ESR1: variants seen among roughly 807,000 people sequenced by gnomAD.
The protein encoded by ESR1 is estrogen receptor 1.
A neutral mutation model predicts 52.7 loss-of-function variants in ESR1; 12 were observed. That is an observed-to-expected ratio of 0.23 (90% CI 0.15 to 0.37). The LOEUF is 0.37. Among genes scored for constraint, ESR1 ranks in the 10% least tolerant of loss-of-function variants. The probability of loss-of-function intolerance (pLI) is 1.00; values close to 1 mark genes in which losing one functional copy is unlikely to be tolerated. For synonymous variants in ESR1, 305 were observed against 316.8 expected, an observed-to-expected ratio of 0.96 and a Z score of 0.39; for missense variants, 584 against 779.7, an observed-to-expected ratio of 0.75 and a Z score of 2.99.
intron 2 of ESR1, among the ~76,000 whole-genome samples, chr6:151,871,725 A>G (rs1011540413): frequency 6.6e-6 from 1 of 152,162 alleles, no homozygotes; most frequent in Non-Finnish European, 1.5e-5. Flanking sequence ...TCATTAAACA[A>G]TGACTCCAAG....
intron 2 of ESR1, among the ~76,000 whole-genome samples, chr6:151,753,102 C>T (rs1784019558): frequency 1.3e-5 from 2 of 152,178 alleles, no homozygotes; most frequent in Admixed American, 1.3e-4. Flanking sequence ...CACTACACTG[C>T]TAGCCTGGTA....
chr6:151,807,319 GACAA>G (rs1778028227), upstream of ESR1: 1 of 184,362 alleles, frequency 5.4e-6, no homozygotes. Context: ...CAGAAAGAGA[GACAA>G]ACAGAGATAT....
At chr6:151,663,964 C>T (rs78143598) in intron 1 of ESR1, among the ~76,000 whole-genome samples, 2,538 of 152,150 alleles carry the variant, frequency 0.017, 77 homozygotes, top group African/African-American at 0.058. Flanking sequence ...GTTTTTGATT[C>T]CCTCTGCCCC....
At chr6:151,899,295 G>A (rs1469423971) in intron 3 of ESR1, among the ~76,000 whole-genome samples, 17 of 127,724 alleles carry the variant, frequency 1.3e-4, no homozygotes, top group African/African-American at 4.6e-4. Flanking sequence ...CTGGCCGGGC[G>A]GGGGGCTGAC....
intron 5 of ESR1, among the ~76,000 whole-genome samples, chr6:152,014,500 TCAC>T (rs2043020397): frequency 2.3e-5 from 2 of 88,036 alleles, no homozygotes; most frequent in Non-Finnish European, 3.9e-5. Flanking sequence ...AACTGCACAC[TCAC>T]TTTATCTTCT....
intron 5 of ESR1, among the ~76,000 whole-genome samples, chr6:152,020,897 A>G (rs1422775858): frequency 6.6e-6 from 1 of 152,182 alleles, no homozygotes; most frequent in Non-Finnish European, 1.5e-5. Flanking sequence ...ATTAAGTTCT[A>G]ATCTCTACCC....
intron 6 of ESR1, among the ~76,000 whole-genome samples, chr6:152,073,293 G>A (rs1292901425): frequency 6.6e-6 from 1 of 152,180 alleles, no homozygotes; most frequent in Non-Finnish European, 1.5e-5. Flanking sequence ...AGGTGTTGAC[G>A]AAGATCATGA....
chr6:151,764,245 T>C (rs1047949597), intron 2 of ESR1, among the ~76,000 whole-genome samples: 13 of 152,212 alleles, frequency 8.5e-5, no homozygotes, highest in Non-Finnish European at 1.9e-4. Flanking sequence ...ATCTGCTAAC[T>C]GAGTCATGGG....
At chr6:151,909,681 A>G (rs1797969285) in intron 3 of ESR1, among the ~76,000 whole-genome samples, 2 of 152,126 alleles carry the variant, frequency 1.3e-5, no homozygotes, top group African/African-American at 4.8e-5. Context: ...TTCAGGGCTG[A>G]GGTGCACCTA....
intron 1 of ESR1, among the ~76,000 whole-genome samples, chr6:151,819,657 A>G (rs1780242786): frequency 6.6e-6 from 1 of 152,154 alleles, no homozygotes; most frequent in Non-Finnish European, 1.5e-5. Context: ...CAGGGCTCTC[A>G]CTGAATCTAC....
intron 6 of ESR1, among the ~76,000 whole-genome samples, chr6:152,114,901 A>G: frequency 6.7e-6 from 1 of 149,834 alleles, no homozygotes; most frequent in African/African-American, 2.4e-5. Flanking sequence ...AAAAAAAAAA[A>G]AAAAAAAAAA....
intron 4 of ESR1, among the ~76,000 whole-genome samples, chr6:151,946,539 C>T (rs1208289874): frequency 1.3e-5 from 2 of 152,038 alleles, no homozygotes; most frequent in African/African-American, 2.4e-5. Context: ...CAGAGCTAGA[C>T]AAAATTATGG....
At position 151,947,101 on chromosome 6, in the gene ESR1, T is replaced by C. The variant is rs532512666; in HGVS notation, c.1096+2593T>C. ...GGGAGGCCGAGGCGGGTGGATCACC[T>C]GAGGTCAGGAGTTCAAGACCAGCCT... is the stretch of plus-strand genomic sequence containing the variant. On this transcript the variant is annotated intron_variant, in intron 4 of 7. Coordinates refer to ENST00000206249, the MANE Select transcript of ESR1 (RefSeq NM_000125.4). Among the ~76,000 whole-genome samples the C allele has an allele frequency of 2.0e-5, 3 of 152,260 alleles. No individual in the cohort carries two copies. In the East Asian group the frequency reaches 5.8e-4, roughly 29 times the overall value.
intron 6 of ESR1, among the ~76,000 whole-genome samples, chr6:152,123,392 T>C (rs2052140736): frequency 6.6e-6 from 1 of 152,192 alleles, no homozygotes; most frequent in South Asian, 2.1e-4. Context: ...ATGGACACCA[T>C]TTTCTGAGGA....
At chr6:151,948,368 G>T (rs2035948315) in intron 4 of ESR1, among the ~76,000 whole-genome samples, 1 of 152,028 alleles carries the variant, frequency 6.6e-6, no homozygotes, top group Non-Finnish European at 1.5e-5. Flanking sequence ...TGAAGATTTG[G>T]ATAGATATCT....
chr6:151,873,055 G>A (rs965458748), intron 2 of ESR1, among the ~76,000 whole-genome samples: 4 of 152,122 alleles, frequency 2.6e-5, no homozygotes, highest in African/African-American at 4.8e-5. Flanking sequence ...CCTAAGAAGC[G>A]GAACACTTGG....
intron 2 of ESR1, among the ~76,000 whole-genome samples, chr6:151,769,889 A>G: frequency 6.6e-6 from 1 of 152,160 alleles, no homozygotes; most frequent in East Asian, 1.9e-4. Flanking sequence ...TTAGCCAGGC[A>G]TGGTGGCACG....
intron 1 of ESR1, among the ~76,000 whole-genome samples, chr6:151,660,865 G>A (rs531428696): frequency 1.8e-4 from 28 of 152,094 alleles, no homozygotes; most frequent in African/African-American, 5.1e-4. Context: ...TAAACCTTTC[G>A]CACTCACGAG....
At chr6:151,763,355 G>T (rs1299883509) in intron 2 of ESR1, among the ~76,000 whole-genome samples, 1 of 152,026 alleles carries the variant, frequency 6.6e-6, no homozygotes, top group Non-Finnish European at 1.5e-5. Flanking sequence ...GCATTCTTGT[G>T]TGCATTCTTT....
Sources: allele counts gnomAD v4.1 joint callset (sites outside exome capture counted in the v4.1 genomes callset), GRCh38; gene constraint gnomAD v4.1.1; transcripts MANE v1.5; gene names NCBI Gene and HGNC (gene_info 2026-07-23, HGNC 2026-07-21).